SERTAD3: variants seen among roughly 807,000 people sequenced by gnomAD.
SERTAD3 encodes the protein SERTA domain containing 3, also known as SERTA domain-containing protein 3.
A neutral mutation model predicts 11.9 loss-of-function variants in SERTAD3; 6 were observed. That is an observed-to-expected ratio of 0.50 (90% CI 0.28 to 0.99). SERTAD3 has a LOEUF of 0.99. Among genes scored for constraint, SERTAD3 ranks in the 50% least tolerant of loss-of-function variants. SERTAD3 has a pLI of 0.11. For synonymous variants in SERTAD3, 101 were observed against 98.9 expected, an observed-to-expected ratio of 1.02 and a Z score of -0.13; for missense variants, 261 against 240.9, an observed-to-expected ratio of 1.08 and a Z score of -0.55.
chr19:40,443,699 C>T (rs1041649074), intron 1 of SERTAD3: 2 of 153,830 alleles, frequency 1.3e-5, no homozygotes, highest in Non-Finnish European at 2.9e-5. Flanking sequence ...TCAAACGCCC[C>T]TGGACTTCAC....
Position 40,444,291 on chromosome 19 carries a change from G to A in SERTAD3, c.-83C>T, listed in dbSNP as rs541812377. The A allele has an allele frequency of 6.6e-6, 1 of 152,048 alleles. No individual in the cohort carries two copies. Among genetic ancestry groups the A allele is most frequent in the African/African-American group, 2.4e-5 (1 of 41,352 alleles). The allele number at this position is 152,048 out of a possible 1,614,324, so 9.4% of individuals were successfully genotyped here. On this transcript the variant is annotated 5_prime_UTR_variant, in exon 1 of 2. Coordinates refer to ENST00000322354, the MANE Select transcript of SERTAD3 (RefSeq NM_203344.3). ...GACCCGCCAGTGCCAGGACCCACCA[G>A]TGACCGGTTGGAGCCTCGCTCACCT...
intron 1 of SERTAD3, among the ~76,000 whole-genome samples, chr19:40,442,937 C>T (rs1166878479): frequency 3.3e-5 from 5 of 151,974 alleles, no homozygotes; most frequent in Non-Finnish European, 5.9e-5. Flanking sequence ...CTCCTGGAGC[C>T]CTGTTGGGGA....
In SERTAD3 at chr19:40,441,774, C is replaced by T. The variant is rs373996454; in HGVS notation, c.307G>A (p.Asp103Asn). The part of the protein sequence containing the change: ...ATIGSILREL[D>N]TSMDGTEPPQ... ...GGCTCAGTCCCATCCATGGAGGTGT[C>T]CAGCTCCCTGAGGATAGAGCCAATG... The change falls in exon 2 of 2, where the codon GAC becomes AAC. Residue 103 changes from aspartate (D) to asparagine (N), a missense_variant. Asp to Asn is a conservative substitution (Grantham distance 23). Coordinates refer to ENST00000322354, the MANE Select transcript of SERTAD3 (RefSeq NM_203344.3). The T allele has an allele frequency of 1.9e-6, 3 of 1,612,490 alleles. No homozygotes were observed. The highest frequency in any genetic ancestry group is 1.3e-5 in the African/African-American group (1 of 74,852).
chr19:40,441,808 C>T lies in SERTAD3; in HGVS notation c.273G>A (p.Leu91=), dbSNP rs746838869. Residue 91 remains leucine, a synonymous_variant, in exon 2 of 2, where the codon CTG becomes CTA. Coordinates refer to ENST00000322354, the MANE Select transcript of SERTAD3 (RefSeq NM_203344.3). ...PLFLGEEDFS[L]SATIGSILRE... ...TGAGGATAGAGCCAATGGTGGCTGA[C>T]AGGGAGAAATCCTCCTCGCCCAGGA... is the stretch of plus-strand genomic sequence containing the variant. The T allele has an allele frequency of 6.3e-7, 1 of 1,594,560 alleles. No individual in the cohort carries two copies.
At chr19:40,442,329 G>A (rs2079685167) in intron 1 of SERTAD3, 2 of 366,570 alleles carry the variant, frequency 5.5e-6, no homozygotes, top group East Asian at 8.0e-5. Flanking sequence ...TTACTTGCCT[G>A]TTGTGGCCTC....
rs767605497 is a variant in SERTAD3 at position 40,441,520 on chromosome 19, A to G, written c.561T>C (p.Asp187=). Reference sequence around the variant, plus strand: ...ACCCCAGAATGATTTCCATGATGTGATCCAGTTCATTCCACTCCCAAGAAC... The same window carrying G: ...ACCCCAGAATGATTTCCATGATGTGGTCCAGTTCATTCCACTCCCAAGAAC... The part of the protein sequence containing the change: ...APGSWEWNEL[D]HIMEIILGS The change falls in exon 2 of 2, where the codon GAT becomes GAC. Residue 187 remains aspartate, a synonymous_variant. Coordinates refer to ENST00000322354, the MANE Select transcript of SERTAD3 (RefSeq NM_203344.3). 6 of 1,612,708 alleles carry G rather than the reference A, an allele frequency of 3.7e-6. No individual in the cohort carries two copies. The highest frequency in any genetic ancestry group is 4.5e-5 in the East Asian group (2 of 44,856).
Position 40,441,820 on chromosome 19 carries a change from C to A in SERTAD3, c.261G>T (p.Glu87Asp). 1 of 1,590,214 alleles carries A rather than the reference C, an allele frequency of 6.3e-7. No homozygotes were observed. Among genetic ancestry groups the A allele is most frequent in the Non-Finnish European group, 8.6e-7 (1 of 1,168,092 alleles). ...LPPEPLFLGE[E>D]DFSLSATIGS... ...CAATGGTGGCTGACAGGGAGAAATC[C>A]TCCTCGCCCAGGAAGAGGGGCTCGG... The change falls in exon 2 of 2, where the codon GAG becomes GAT. Residue 87 changes from glutamate to aspartate, a missense_variant. Coordinates refer to ENST00000322354, the MANE Select transcript of SERTAD3 (RefSeq NM_203344.3).
In SERTAD3 at chr19:40,441,969, G is replaced by T; in HGVS notation, c.112C>A (p.Leu38Ile). Residue 38 changes from leucine (L) to isoleucine (I), a missense_variant, in exon 2 of 2, where the codon CTA becomes ATA. By Grantham distance (5) the Leu-to-Ile change is conservative. Coordinates refer to ENST00000322354, the MANE Select transcript of SERTAD3 (RefSeq NM_203344.3). ...CCCAGGCTGCGCTGGACTTTGTCTAGGGAGATGCGGAGCAGGGCTTGCTGG... is the reference window on the plus strand; with the variant it reads ...CCCAGGCTGCGCTGGACTTTGTCTATGGAGATGCGGAGCAGGGCTTGCTGG... ...SYQQALLRIS[L>I]DKVQRSLGPR... 6.4e-7 allele frequency: 1 copy of T among 1,563,246 alleles called. No homozygotes were observed. Among genetic ancestry groups the T allele is most frequent in the Non-Finnish European group, 8.6e-7 (1 of 1,156,388 alleles).
rs1002269808 is a variant in SERTAD3 at position 40,440,859 on chromosome 19, T to C, written c.*631A>G. 6.8e-6 allele frequency: 1 copy of C among 147,500 alleles called. No homozygotes were observed. The highest frequency in any genetic ancestry group is 1.5e-5 in the Non-Finnish European group (1 of 67,272). 9.1% of individuals were successfully genotyped at this position (147,500 alleles called of 1,614,324 possible). On this transcript the variant is annotated 3_prime_UTR_variant, in exon 2 of 2. Transcript: ENST00000322354. ...GACAACATCCCTCCTTCCAAAATAC[T>C]TTTATTTAAAAAAATTACAAACAAT...
In SERTAD3 at chr19:40,442,104, G is replaced by C. The variant is rs777291686; in HGVS notation, c.-6-18C>G. On this transcript the variant is annotated intron_variant, in intron 1 of 1. Coordinates refer to ENST00000322354, the MANE Select transcript of SERTAD3 (RefSeq NM_203344.3). ...ATGATGCCCTGTAGAGAGAAGAGGC[G>C]CATAGGGGAAGGTCAGACACCAGAC... is the stretch of plus-strand genomic sequence containing the variant. The C allele has an allele frequency of 7.1e-7, 1 of 1,399,982 alleles. No individual in the cohort carries two copies. The highest frequency in any genetic ancestry group is 2.8e-5 in the Admixed American group (1 of 36,166). 86.7% of individuals were successfully genotyped at this position (1,399,982 alleles called of 1,614,324 possible).
chr19:40,441,696 G>A lies in SERTAD3; in HGVS notation c.385C>T (p.Pro129Ser), dbSNP rs372999612. 6.2e-6 allele frequency: 10 copies of A among 1,614,092 alleles called. No individual in the cohort carries two copies. In the African/African-American group the frequency reaches 8.0e-5, roughly 13 times the overall value. ...LGLQNEVPPQPDPVFLEALSS... is the reference protein window; with the variant it reads ...LGLQNEVPPQSDPVFLEALSS... ...AGAGCTTCTAAGAAGACTGGATCAG[G>A]CTGGGGTGGCACTTCATTCTGGAGG... The change falls in exon 2 of 2, where the codon CCT (proline) becomes TCT (serine). Residue 129 changes from proline (P) to serine (S), a missense_variant. Transcript: ENST00000322354.
intron 1 of SERTAD3, chr19:40,442,484 G>C (rs1161900422): frequency 6.2e-6 from 1 of 160,134 alleles, no homozygotes; most frequent in Non-Finnish European, 1.4e-5. Flanking sequence ...GTGGAGCACA[G>C]AGACCTGGAT....
In SERTAD3 at chr19:40,440,844, C is replaced by T. The variant is rs1312622878; in HGVS notation, c.*646G>A. 3 of 148,676 alleles carry T rather than the reference C, an allele frequency of 2.0e-5. No homozygotes were observed. Among genetic ancestry groups the T allele is most frequent in the Non-Finnish European group, 3.0e-5 (2 of 67,588 alleles). The allele number at this position is 148,676 out of a possible 1,614,324, so 9.2% of individuals were successfully genotyped here. ...AGTTTAGAAACATTAGACAACATCC[C>T]TCCTTCCAAAATACTTTTATTTAAA... is the stretch of plus-strand genomic sequence containing the variant. On this transcript the variant is annotated 3_prime_UTR_variant, in exon 2 of 2. Coordinates refer to ENST00000322354, the MANE Select transcript of SERTAD3 (RefSeq NM_203344.3).
rs1274589588 is a variant in SERTAD3, at chr19:40,441,583, G to A, written c.498C>T (p.Ala166=). ...AGAGGTTGTGAGGAGGCTCTGGTGG[G>A]GCCCGTGCAGGCTCCTTTTCTACCG... The part of the protein sequence containing the change: ...TSAVEKEPAR[A]PPEPPHNLFC... Residue 166 remains alanine (A), a synonymous_variant, in exon 2 of 2, where the codon GCC becomes GCT. Coordinates refer to ENST00000322354, the MANE Select transcript of SERTAD3 (RefSeq NM_203344.3). 2.5e-6 allele frequency: 4 copies of A among 1,614,170 alleles called. No homozygotes were observed. In the Admixed American group the frequency reaches 6.7e-5, roughly 27 times the overall value.
Position 40,441,378 on chromosome 19 carries a change from AG to A in SERTAD3, c.*111del, listed in dbSNP as rs1266020449. 1.1e-6 allele frequency: 1 copy of A among 900,682 alleles called. No homozygotes were observed. Among genetic ancestry groups the A allele is most frequent in the Non-Finnish European group, 1.7e-6 (1 of 577,866 alleles). The allele number at this position is 900,682 out of a possible 1,614,324, so 55.8% of individuals were successfully genotyped here. A position where few individuals can be genotyped will look rare whatever the true frequency, so the allele number is the denominator to read the frequency against. On this transcript the variant is annotated 3_prime_UTR_variant, in exon 2 of 2. Coordinates refer to ENST00000322354, the MANE Select transcript of SERTAD3 (RefSeq NM_203344.3). ...TGGAACCCTGAAATGGGAACAAAGG[AG>A]GCCATAGTCACTGCTTCGAGCCCCC...
At chr19:40,444,159 C>G (rs1483089605) in intron 1 of SERTAD3, 56 bp downstream of exon 1, 1 of 152,236 alleles carries the variant, frequency 6.6e-6, no homozygotes, top group Admixed American at 6.6e-5. Context: ...CCCCGGGGCG[C>G]GCTTCTCTCT....
intron 1 of SERTAD3, among the ~76,000 whole-genome samples, chr19:40,442,923 A>T (rs959131856): frequency 3.3e-5 from 5 of 151,988 alleles, no homozygotes; most frequent in South Asian, 2.1e-4. Context: ...ACTATATTCG[A>T]AATCTCCTGG....
At chr19:40,443,384 G>C (rs1019683598) in intron 1 of SERTAD3, 3 of 152,372 alleles carry the variant, frequency 2.0e-5, no homozygotes, top group African/African-American at 7.2e-5. Flanking sequence ...AGGCGGGTGG[G>C]GGAAGGGAAC....
At position 40,442,031 on chromosome 19, in the gene SERTAD3, T is replaced by G. The variant is rs1467051116; in HGVS notation, c.50A>C (p.Glu17Ala). ...GCCTGCTGGACTCCACTCCCACCTCTCCTCCTCCTCTTCCAAATCAGAGTG... is the reference window on the plus strand; with the variant it reads ...GCCTGCTGGACTCCACTCCCACCTCGCCTCCTCCTCTTCCAAATCAGAGTG... ...RKHSDLEEEE[E>A]RWEWSPAGLQ... Residue 17 changes from glutamate (E) to alanine (A), a missense_variant, in exon 2 of 2, where the codon GAG (glutamate) becomes GCG (alanine). Glu to Ala is a moderately radical substitution (Grantham distance 107). Coordinates refer to ENST00000322354, the MANE Select transcript of SERTAD3 (RefSeq NM_203344.3). 6.6e-7 allele frequency: 1 copy of G among 1,503,978 alleles called. No individual in the cohort carries two copies. Among genetic ancestry groups the G allele is most frequent in the African/African-American group, 1.4e-5 (1 of 71,288 alleles). 93.2% of individuals were successfully genotyped at this position (1,503,978 alleles called of 1,614,324 possible).
Sources: allele counts gnomAD v4.1 joint callset (sites outside exome capture counted in the v4.1 genomes callset), GRCh38; gene constraint gnomAD v4.1.1; transcripts MANE v1.5; gene names NCBI Gene and HGNC (gene_info 2026-07-23, HGNC 2026-07-21).